The following ADK variants were observed in gnomAD, a reference collection of about 807,000 sequenced individuals.
ADK encodes the protein N6,N6-dimethyladenosine kinase.
Under a neutral mutation model 44.7 loss-of-function variants are expected in ADK, and 24 were observed. The observed-to-expected ratio is 0.54, with a 90% CI of 0.39 to 0.76. The LOEUF (loss-of-function observed/expected upper bound fraction) is 0.76, where lower values mean the gene tolerates loss of function less well. ADK is among the 30% of genes least tolerant of loss of function. The probability of loss-of-function intolerance (pLI) is 0.00; values close to 1 mark genes in which losing one functional copy is unlikely to be tolerated. For synonymous variants in ADK, 128 were observed against 142.6 expected, an observed-to-expected ratio of 0.90 and a Z score of 0.73; for missense variants, 321 against 425.1, an observed-to-expected ratio of 0.76 and a Z score of 2.15.
intron 3 of ADK, among the ~76,000 whole-genome samples, chr10:74,253,063 G>A (rs1373565700): frequency 6.6e-6 from 1 of 152,224 alleles, no homozygotes; most frequent in East Asian, 1.9e-4. Flanking sequence ...CATAGATGTA[G>A]TTTTGCAGGG....
intron 9 of ADK, among the ~76,000 whole-genome samples, chr10:74,642,860 G>T (rs1303837698): frequency 1.5e-5 from 2 of 135,214 alleles, no homozygotes. Context: ...TTAAGACAGG[G>T]TCTCACTCAG....
At chr10:74,687,821 C>A (rs1855847993) in intron 10 of ADK, among the ~76,000 whole-genome samples, 1 of 152,192 alleles carries the variant, frequency 6.6e-6, no homozygotes. Flanking sequence ...ATGACTTTAG[C>A]TTAGGCCTGT....
chr10:74,561,831 A>G (rs1052372855), intron 7 of ADK, among the ~76,000 whole-genome samples: 6 of 152,186 alleles, frequency 3.9e-5, no homozygotes, highest in African/African-American at 1.4e-4. Context: ...AGCTGTTTAG[A>G]GTCCCTCAGC....
chr10:74,680,273 C>G (rs1328113982), intron 10 of ADK, among the ~76,000 whole-genome samples: 1 of 150,450 alleles, frequency 6.6e-6, no homozygotes, highest in Non-Finnish European at 1.5e-5. Context: ...CGAGATCGCA[C>G]CACTGCACTC....
At chr10:74,543,745 T>G (rs553311718) in intron 7 of ADK, among the ~76,000 whole-genome samples, 1 of 152,340 alleles carries the variant, frequency 6.6e-6, no homozygotes, top group South Asian at 2.1e-4. Context: ...AATTCTAGCT[T>G]TATTTCAAAT....
intron 3 of ADK, among the ~76,000 whole-genome samples, chr10:74,303,044 C>T (rs1840114010): frequency 6.6e-6 from 1 of 152,092 alleles, no homozygotes; most frequent in South Asian, 2.1e-4. Context: ...TAACTTTATG[C>T]ATAATAAAGA....
At chr10:74,422,856 A>G (rs573090568) in intron 6 of ADK, among the ~76,000 whole-genome samples, 2 of 152,216 alleles carry the variant, frequency 1.3e-5, no homozygotes, top group East Asian at 3.9e-4. Context: ...GTTGTGAGCA[A>G]TGGGTTCATG....
At chr10:74,340,362 G>T (rs1841543426) in intron 4 of ADK, among the ~76,000 whole-genome samples, 1 of 151,992 alleles carries the variant, frequency 6.6e-6, no homozygotes, top group Admixed American at 6.6e-5. Flanking sequence ...TATAATTTTT[G>T]AGTAGTATGA....
At chr10:74,515,177 G>T (rs1034756833) in intron 6 of ADK, among the ~76,000 whole-genome samples, 1 of 152,154 alleles carries the variant, frequency 6.6e-6, no homozygotes, top group Non-Finnish European at 1.5e-5. Context: ...GTTTGGTGGG[G>T]TACATTAGCC....
chr10:74,162,210 A>G (rs1393430916), intron 1 of ADK, among the ~76,000 whole-genome samples: 2 of 151,898 alleles, frequency 1.3e-5, no homozygotes, highest in Non-Finnish European at 1.5e-5. Context: ...TAGTAGAGAC[A>G]GGGTTTCACC....
At chr10:74,283,338 T>G (rs934517000) in intron 3 of ADK, among the ~76,000 whole-genome samples, 1 of 151,844 alleles carries the variant, frequency 6.6e-6, no homozygotes, top group Admixed American at 6.6e-5. Flanking sequence ...CTGTTTGGCT[T>G]CTTCCTAGTT....
chr10:74,560,368 A>T (rs1398920034), intron 7 of ADK, among the ~76,000 whole-genome samples: 1 of 152,230 alleles, frequency 6.6e-6, no homozygotes, highest in African/African-American at 2.4e-5. Flanking sequence ...GGTCTAATTT[A>T]TGCATTCATT....
chr10:74,469,986 T>C (rs1364427527), intron 6 of ADK, among the ~76,000 whole-genome samples: 1 of 152,092 alleles, frequency 6.6e-6, no homozygotes, highest in Non-Finnish European at 1.5e-5. Context: ...CTCTCTTTTT[T>C]TTAGGCCAAG....
At chr10:74,316,090 A>G (rs1840608193) in intron 4 of ADK, among the ~76,000 whole-genome samples, 2 of 152,094 alleles carry the variant, frequency 1.3e-5, no homozygotes, top group Non-Finnish European at 2.9e-5. Context: ...AAATACAAAA[A>G]TTAGCCAGGT....
intron 7 of ADK, among the ~76,000 whole-genome samples, chr10:74,577,768 A>T (rs1034085675): frequency 6.6e-6 from 1 of 152,180 alleles, no homozygotes; most frequent in Non-Finnish European, 1.5e-5. Context: ...AGTGCCAAAG[A>T]GTAGTAGACC....
intron 7 of ADK, chr10:74,527,742 T>A: frequency 1.9e-6 from 3 of 1,556,278 alleles, no homozygotes; most frequent in Non-Finnish European, 2.7e-6. Flanking sequence ...AGACACCAGT[T>A]GTTTCCTCCA....
chr10:74,495,381 TAA>T (rs997707171), intron 6 of ADK, among the ~76,000 whole-genome samples: 22 of 152,268 alleles, frequency 1.4e-4, no homozygotes, highest in African/African-American at 5.1e-4. Context: ...CATTTATATT[TAA>T]GAGTGATGCA....
At chr10:74,282,871 C>A (rs1425050941) in intron 3 of ADK, among the ~76,000 whole-genome samples, 1 of 152,048 alleles carries the variant, frequency 6.6e-6, no homozygotes, top group Non-Finnish European at 1.5e-5. Flanking sequence ...ATGAAAATCA[C>A]CTGGTGTAGA....
chr10:74,655,501 C>T, intron 9 of ADK: 1 of 488,562 alleles, frequency 2.0e-6, no homozygotes, highest in South Asian at 1.6e-5. Context: ...CACTGGCTCA[C>T]TCAGGGTGGC....
Sources: gnomAD v4.1 joint callset for allele counts (sites outside exome capture counted in the v4.1 genomes callset) on GRCh38, gnomAD v4.1.1 for gene constraint, MANE v1.5 for transcripts, NCBI Gene and HGNC (gene_info 2026-07-23, HGNC 2026-07-21) for gene names.